Variants in MALRD1 observed in about 807,000 individuals in gnomAD.
MALRD1 encodes MAM and LDL-receptor class A domain-containing protein 1.
Under a neutral mutation model 242.1 loss-of-function variants are expected in MALRD1, and 247 were observed. The ratio of observed to expected loss-of-function variants is 1.02; its 90% CI spans 0.92 to 1.13. The LOEUF is 1.13. Ranked by LOEUF, MALRD1 falls within the 50% of genes most tolerant of loss-of-function variation. MALRD1 has a pLI of 0.00. For synonymous variants in MALRD1, 995 were observed against 866.6 expected (o/e 1.15, Z -2.60); for missense variants, 2,989 against 2,533.1 (o/e 1.18, Z -3.86).
At chr10:19,205,910 A>ATTT (rs200271233) in intron 17 of MALRD1, among the ~76,000 whole-genome samples, 1 of 145,778 alleles carries the variant, frequency 6.9e-6, no homozygotes, top group African/African-American at 2.5e-5. Context: ...AGTTAATAGG[A>ATTT]TTTTTTTTTT....
chr10:19,108,065 T>C (rs948029296), intron 5 of MALRD1, among the ~76,000 whole-genome samples: 17 of 152,170 alleles, frequency 1.1e-4, no homozygotes, highest in African/African-American at 4.1e-4. Flanking sequence ...TTAACTATTA[T>C]TTTAATAAGT....
chr10:19,384,511 T>C (rs1242589152), intron 26 of MALRD1, among the ~76,000 whole-genome samples: 2 of 117,790 alleles, frequency 1.7e-5, no homozygotes, highest in African/African-American at 6.7e-5. Context: ...TACTATATAT[T>C]ATATATTATA....
Position 19,327,627 on chromosome 10 carries a change from A to G in MALRD1, c.3641A>G (p.Gln1214Arg), listed in dbSNP as rs1208604238. ...LWAQTGQQGA[Q>R]WKRAEVFLGI... ...GCTCAAACTGGACAGCAAGGTGCAC[A>G]GTGGAAGAGAGCAGAAGTGTTTTTA... Residue 1214 changes from glutamine (Q) to arginine (R), a missense_variant, in exon 23 of 40, where the codon CAG becomes CGG. Transcript: ENST00000454679. 3.2e-6 allele frequency: 5 copies of G among 1,549,936 alleles called. No individual in the cohort carries two copies. The highest frequency in any genetic ancestry group is 1.4e-5 in the African/African-American group (1 of 73,146).
intron 1 of MALRD1, 70 bp from the exon 2 acceptor site, chr10:19,066,649 T>C: frequency 9.0e-7 from 1 of 1,111,788 alleles, no homozygotes; most frequent in Middle Eastern, 2.4e-4. Flanking sequence ...ACTTTATTTT[T>C]CTGCTATTGT....
chr10:19,489,765 C>A (rs2131211452), intron 29 of MALRD1, among the ~76,000 whole-genome samples: 1 of 152,238 alleles, frequency 6.6e-6, no homozygotes, highest in East Asian at 1.9e-4. Flanking sequence ...TTGCATCTAA[C>A]GTCTTTAGCA....
intron 30 of MALRD1, among the ~76,000 whole-genome samples, chr10:19,494,311 A>T (rs1440037283): frequency 6.6e-6 from 1 of 152,206 alleles, no homozygotes; most frequent in Non-Finnish European, 1.5e-5. Flanking sequence ...AGTTAAAGGA[A>T]CATTTGCACA....
At chr10:19,517,396 T>G (rs547648363) in intron 31 of MALRD1, among the ~76,000 whole-genome samples, 2 of 152,342 alleles carry the variant, frequency 1.3e-5, no homozygotes, top group Admixed American at 6.5e-5. Context: ...GGTTCTAGTT[T>G]GAAATCTCTC....
intron 18 of MALRD1, among the ~76,000 whole-genome samples, chr10:19,222,865 G>A (rs184728919): frequency 1.8e-4 from 27 of 152,216 alleles, no homozygotes; most frequent in South Asian, 2.1e-4. Flanking sequence ...GTCACATGGC[G>A]TTCACTAAGA....
At chr10:19,127,388 T>C (rs1301794967) in intron 7 of MALRD1, among the ~76,000 whole-genome samples, 1 of 152,198 alleles carries the variant, frequency 6.6e-6, no homozygotes, top group Non-Finnish European at 1.5e-5. Flanking sequence ...AGGATCATAT[T>C]ATGCTTAGTA....
intron 36 of MALRD1, among the ~76,000 whole-genome samples, chr10:19,651,545 C>T (rs1274706599): frequency 6.6e-6 from 1 of 152,086 alleles, no homozygotes; most frequent in Non-Finnish European, 1.5e-5. Context: ...TTAAATAGTT[C>T]CCTCATACAA....
At chr10:19,216,810 G>A (rs577224432) in intron 18 of MALRD1, among the ~76,000 whole-genome samples, 1 of 151,990 alleles carries the variant, frequency 6.6e-6, no homozygotes, top group African/African-American at 2.4e-5. Context: ...GCTGGGCGTG[G>A]TGGTGCGTGC....
intron 24 of MALRD1, among the ~76,000 whole-genome samples, chr10:19,339,156 C>T (rs550206727): frequency 6.6e-6 from 1 of 152,118 alleles, no homozygotes; most frequent in African/African-American, 2.4e-5. Context: ...GACTTTATCC[C>T]AAGGCCATGC....
intron 26 of MALRD1, among the ~76,000 whole-genome samples, chr10:19,374,589 C>T (rs1038580706): frequency 1.3e-5 from 2 of 152,126 alleles, no homozygotes; most frequent in Non-Finnish European, 2.9e-5. Flanking sequence ...TATAGTTTCG[C>T]CCATGTGCAC....
At chr10:19,333,785 T>G (rs1286373650) in intron 24 of MALRD1, among the ~76,000 whole-genome samples, 1 of 152,162 alleles carries the variant, frequency 6.6e-6, no homozygotes, top group African/African-American at 2.4e-5. Context: ...GCTTTGCCTT[T>G]TCTCGGTAAC....
chr10:19,463,189 G>C (rs954936466), intron 29 of MALRD1, among the ~76,000 whole-genome samples: 1 of 151,750 alleles, frequency 6.6e-6, no homozygotes, highest in African/African-American at 2.4e-5. Flanking sequence ...TATTTCCATA[G>C]GTTTTCGGGG....
Position 19,128,397 on chromosome 10 carries a change from A to C in MALRD1, c.1110+10A>C. The C allele has an allele frequency of 8.1e-7, 1 of 1,231,684 alleles. No homozygotes were observed. The highest frequency in any genetic ancestry group is 1.0e-6 in the Non-Finnish European group (1 of 986,332). 76.3% of individuals were successfully genotyped at this position (1,231,684 alleles called of 1,614,324 possible). On this transcript the variant is annotated intron_variant, in intron 8 of 39. Coordinates refer to ENST00000454679, the MANE Select transcript of MALRD1 (RefSeq NM_001142308.3). The stretch of plus-strand genomic sequence containing the variant: ...ACTGTATAATAATAAGGTAAGAAGA[A>C]AGTTGCATTTATTTCAAATTCATTG...
At chr10:19,499,581 T>C (rs1837879164) in intron 31 of MALRD1, among the ~76,000 whole-genome samples, 1 of 152,300 alleles carries the variant, frequency 6.6e-6, no homozygotes, top group South Asian at 2.1e-4. Context: ...TTGGCAGCCT[T>C]CATAATGTCA....
chr10:19,583,902 T>G (rs1012626469), intron 33 of MALRD1, among the ~76,000 whole-genome samples: 2 of 152,078 alleles, frequency 1.3e-5, no homozygotes, highest in Non-Finnish European at 1.5e-5. Context: ...CAATTTCAGC[T>G]CCTGTTATTG....
chr10:19,216,119 C>CTTTTTTT (rs753559077), intron 18 of MALRD1, among the ~76,000 whole-genome samples: 33 of 122,808 alleles, frequency 2.7e-4, no homozygotes, highest in Non-Finnish European at 4.2e-4. Context: ...TTCTTTCTTT[C>CTTTTTTT]TTTTTTTTTT....
Sources: allele counts gnomAD v4.1 joint callset (sites outside exome capture counted in the v4.1 genomes callset), GRCh38; gene constraint gnomAD v4.1.1; transcripts MANE v1.5; gene names NCBI Gene and HGNC (gene_info 2026-07-23, HGNC 2026-07-21).